The following CFAP57 variants were observed in gnomAD, a reference collection of about 807,000 sequenced individuals.
The protein encoded by CFAP57 is cilia and flagella associated protein 57.
CFAP57 carries 116 observed loss-of-function variants against 146.8 expected under a neutral mutation model. That is an observed-to-expected ratio of 0.79 (90% confidence interval 0.68 to 0.92). The LOEUF (loss-of-function observed/expected upper bound fraction) is 0.92, where lower values mean the gene tolerates loss of function less well. Ranked by LOEUF, CFAP57 falls within the 40% of genes least tolerant of loss-of-function variation. The probability of loss-of-function intolerance (pLI) is 0.00; values close to 1 mark genes in which losing one functional copy is unlikely to be tolerated. For missense variants in CFAP57, 1,377 were observed against 1,527.2 expected, an observed-to-expected ratio of 0.90 and a Z score of 1.64; for synonymous variants, 518 against 552.8, an observed-to-expected ratio of 0.94 and a Z score of 0.88.
intron 22 of CFAP57, among the ~76,000 whole-genome samples, chr1:43,253,106 T>G (rs1246698954): frequency 6.6e-6 from 1 of 152,136 alleles, no homozygotes; most frequent in Non-Finnish European, 1.5e-5. Context: ...GCAGGGCGCA[T>G]GGGACAGGAG....
In CFAP57 at chr1:43,197,689, C is replaced by T. The variant is rs765980106; in HGVS notation, c.1259C>T (p.Thr420Ile). The change falls in exon 7 of 23, where the codon ACA (threonine) becomes ATA (isoleucine). Residue 420 changes from threonine to isoleucine, a missense_variant. Physicochemically the swap from Thr to Ile is moderately conservative, Grantham distance 89 (BLOSUM62 -1). Coordinates refer to ENST00000372492, the MANE Select transcript of CFAP57 (RefSeq NM_001378189.1). Reference sequence around the variant, plus strand: ...TCCATCCGCCTTTGGAATTATGAAACAAAGTAAGGAATGAAAGGCTTGCCT... The same window carrying T: ...TCCATCCGCCTTTGGAATTATGAAATAAAGTAAGGAATGAAAGGCTTGCCT... ...DRSIRLWNYE[T>I]NTLELFKEYQ... 1 of 1,614,156 alleles carries T rather than the reference C, an allele frequency of 6.2e-7. No individual in the cohort carries two copies. The highest frequency in any genetic ancestry group is 1.1e-5 in the South Asian group (1 of 91,082).
At position 43,209,848 on chromosome 1, in the gene CFAP57, A is replaced by T; in HGVS notation, c.1861A>T (p.Met621Leu). 1.2e-6 allele frequency: 2 copies of T among 1,614,228 alleles called. No individual in the cohort carries two copies. The highest frequency in any genetic ancestry group is 1.7e-6 in the Non-Finnish European group (2 of 1,180,046). Residue 621 changes from methionine to leucine, a missense_variant, in exon 11 of 23, where the codon ATG becomes TTG. Transcript: ENST00000372492. ...VGTSVGTIRA[M>L]KYPLPLQKEF... ...CACCTCGGTGGGAACCATTCGTGCC[A>T]TGAAGTACCCTCTGCCTCTGCAGAA...
chr1:43,190,027 G>A (rs1490465414), intron 6 of CFAP57, among the ~76,000 whole-genome samples: 1 of 152,160 alleles, frequency 6.6e-6, no homozygotes, highest in East Asian at 1.9e-4. Context: ...GAGATTTGGA[G>A]GAGACAAATA....
intron 2 of CFAP57, among the ~76,000 whole-genome samples, chr1:43,180,892 A>G (rs1569835297): frequency 1.3e-5 from 2 of 151,888 alleles, no homozygotes; most frequent in South Asian, 2.1e-4. Context: ...CTCACATGCA[A>G]TGCTCCAGCA....
chr1:43,219,033 G>A (rs1373769020), intron 12 of CFAP57, among the ~76,000 whole-genome samples: 3 of 152,220 alleles, frequency 2.0e-5, no homozygotes, highest in Non-Finnish European at 4.4e-5. Context: ...ATAAGAAGTA[G>A]AGCAGAGTAA....
Position 43,224,166 on chromosome 1 carries a change from C to A in CFAP57, c.2827C>A (p.Arg943=). Residue 943 remains arginine (R), a synonymous_variant, in exon 17 of 23, where the codon CGA becomes AGA. Coordinates refer to ENST00000372492, the MANE Select transcript of CFAP57 (RefSeq NM_001378189.1). The stretch of plus-strand genomic sequence containing the variant: ...GGAGAAGGACATCCAAGGCCTCAAG[C>A]GAGAGATCCAGGAAAGAGACGAGAC... ...SLEKDIQGLK[R]EIQERDETIQ... 1 of 1,549,166 alleles carries A rather than the reference C, an allele frequency of 6.5e-7. No homozygotes were observed.
At chr1:43,193,045 A>G (rs1486236540) in intron 6 of CFAP57, among the ~76,000 whole-genome samples, 3 of 152,072 alleles carry the variant, frequency 2.0e-5, no homozygotes, top group African/African-American at 4.8e-5. Context: ...TGGGTGCTCT[A>G]TTTTTAGGTG....
Position 43,224,068 on chromosome 1 carries a change from T to C in CFAP57, c.2729T>C (p.Ile910Thr), listed in dbSNP as rs201954176. 262 of 1,550,308 alleles carry C rather than the reference T, an allele frequency of 1.7e-4. 1 individual carries two copies. The highest frequency in any genetic ancestry group is 3.7e-4 in the Admixed American group (19 of 50,970). ...TAGTTCAGCAGCCTACAGAAGGAGATTGAAGAACGAACCAATGACATCGAG... is the reference window on the plus strand; with the variant it reads ...TAGTTCAGCAGCCTACAGAAGGAGACTGAAGAACGAACCAATGACATCGAG... ...RKKFSSLQKE[I>T]EERTNDIETL... Residue 910 changes from isoleucine to threonine, a missense_variant, in exon 17 of 23, where the codon ATT (isoleucine) becomes ACT (threonine). By Grantham distance (89) the Ile-to-Thr change is moderately conservative. Coordinates refer to ENST00000372492, the MANE Select transcript of CFAP57 (RefSeq NM_001378189.1).
intron 18 of CFAP57, among the ~76,000 whole-genome samples, chr1:43,229,133 G>A (rs1254495330): frequency 6.7e-6 from 1 of 148,890 alleles, no homozygotes; most frequent in Non-Finnish European, 1.5e-5. Context: ...CCACCTGGAG[G>A]GCCAGCACAC....
intron 2 of CFAP57, among the ~76,000 whole-genome samples, chr1:43,176,505 A>G (rs976564049): frequency 2.0e-5 from 3 of 152,208 alleles, no homozygotes; most frequent in African/African-American, 4.8e-5. Context: ...TAAGATGCAG[A>G]TGATGCTCAG....
rs749109366 is a variant in CFAP57, at chr1:43,183,780, C to T, written c.664C>T (p.Leu222Phe). Residue 222 changes from leucine (L) to phenylalanine (F), a missense_variant, in exon 4 of 23, where the codon CTC becomes TTC. By Grantham distance (22) the Leu-to-Phe change is conservative. Transcript: ENST00000372492. ...TGGCACTGACACAGGCAAACTCTTC[C>T]TCTTTGAATCTGGAGATCAGCGTTG... ...VVGTDTGKLFLFESGDQRWET... is the reference protein window; with the variant it reads ...VVGTDTGKLFFFESGDQRWET... 3.1e-6 allele frequency: 5 copies of T among 1,614,230 alleles called. No individual in the cohort carries two copies. The African/African-American group carries it at 5.3e-5, about 17-fold the overall frequency.
Position 43,224,100 on chromosome 1 carries a change from A to T in CFAP57, c.2761A>T (p.Lys921Ter). 1 of 1,550,562 alleles carries T rather than the reference A, an allele frequency of 6.4e-7. No homozygotes were observed. The highest frequency in any genetic ancestry group is 8.7e-7 in the Non-Finnish European group (1 of 1,146,976). Residue 921 changes from lysine (K) to a stop codon, truncating the protein, a stop_gained, in exon 17 of 23, where the codon AAA (lysine) becomes TAA (stop). Transcript: ENST00000372492. LOFTEE classifies it high-confidence loss of function. Reference protein sequence around the residue: ...EERTNDIETLKGEQMKLQGVI... With the variant: ...EERTNDIETL ...ACGAACCAATGACATCGAGACCCTA[A>T]AAGGAGAGCAGATGAAGCTGCAAGG...
intron 17 of CFAP57, among the ~76,000 whole-genome samples, chr1:43,224,844 C>T (rs987577152): frequency 6.6e-5 from 10 of 152,302 alleles, no homozygotes; most frequent in Admixed American, 1.3e-4. Flanking sequence ...GGGCCAAGGA[C>T]GTGGGCTTCA....
rs1304612976 is a variant in CFAP57 at position 43,172,337 on chromosome 1, G to T, written c.-136G>T. The T allele has an allele frequency of 1.6e-5, 25 of 1,551,556 alleles. No individual in the cohort carries two copies. Among genetic ancestry groups the T allele is most frequent in the Non-Finnish European group, 2.2e-5 (25 of 1,146,998 alleles). Reference sequence around the variant, plus strand: ...CTTCCGGCGGCAAACCATACTTCCGGTTTGTCGTTGCTATAGGAACCGCTA... The same window carrying T: ...CTTCCGGCGGCAAACCATACTTCCGTTTTGTCGTTGCTATAGGAACCGCTA... On this transcript the variant is annotated 5_prime_UTR_variant, in exon 1 of 23. Transcript: ENST00000372492.
intron 13 of CFAP57, among the ~76,000 whole-genome samples, chr1:43,220,355 A>T (rs1644997523): frequency 6.6e-6 from 1 of 152,238 alleles, no homozygotes; most frequent in Admixed American, 6.5e-5. Context: ...ATTAGTCTAC[A>T]TGGCCTTTAC....
At chr1:43,191,671 T>A (rs959191338) in intron 6 of CFAP57, among the ~76,000 whole-genome samples, 2 of 151,968 alleles carry the variant, frequency 1.3e-5, no homozygotes, top group African/African-American at 4.8e-5. Context: ...CATTTTTTTT[T>A]ATCTCTTTAA....
intron 12 of CFAP57, among the ~76,000 whole-genome samples, chr1:43,217,041 G>T (rs1644860360): frequency 6.6e-6 from 1 of 152,258 alleles, no homozygotes; most frequent in South Asian, 2.1e-4. Flanking sequence ...GGTGCCAGAG[G>T]ACATGAGCCT....
intron 22 of CFAP57, chr1:43,250,385 G>C (rs1646292899): frequency 6.6e-6 from 1 of 152,172 alleles, no homozygotes; most frequent in African/African-American, 2.4e-5. Context: ...GGACTCCAAA[G>C]AACACTGGGG....
intron 2 of CFAP57, 75 bp from the exon 3 acceptor site, chr1:43,181,459 A>G: frequency 6.4e-7 from 1 of 1,564,786 alleles, no homozygotes. Flanking sequence ...AGTGCCCACC[A>G]CAGTGCCTGG....
Sources: allele counts gnomAD v4.1 joint callset (sites outside exome capture counted in the v4.1 genomes callset), GRCh38; gene constraint gnomAD v4.1.1; transcripts MANE v1.5; gene names NCBI Gene and HGNC (gene_info 2026-07-23, HGNC 2026-07-21).